FER: variants seen among roughly 807,000 people sequenced by gnomAD.
FER encodes tyrosine-protein kinase Fer.
FER carries 63 observed loss-of-function variants against 111.0 expected under a neutral mutation model. That is an observed-to-expected ratio of 0.57 (90% CI 0.46 to 0.70). The LOEUF (loss-of-function observed/expected upper bound fraction) is 0.70. Ranked by LOEUF, FER falls within the 30% of genes least tolerant of loss-of-function variation. The probability of loss-of-function intolerance (pLI) is 0.00; values close to 1 mark genes in which losing one functional copy is unlikely to be tolerated. For synonymous variants in FER, 327 were observed against 313.9 expected, an observed-to-expected ratio of 1.04 and a Z score of -0.44; for missense variants, 914 against 954.0, an observed-to-expected ratio of 0.96 and a Z score of 0.55.
intron 16 of FER, among the ~76,000 whole-genome samples, chr5:109,061,607 T>C (rs1167505763): frequency 6.6e-6 from 1 of 152,154 alleles, no homozygotes; most frequent in Non-Finnish European, 1.5e-5. Flanking sequence ...AAAATGTCTG[T>C]GCAAGATACT....
intron 10 of FER, among the ~76,000 whole-genome samples, chr5:108,931,331 C>T (rs866255402): frequency 3.2e-4 from 49 of 150,840 alleles, no homozygotes; most frequent in African/African-American, 1.2e-3. Context: ...ATTTTTTTTT[C>T]CGTGTATTTT....
chr5:109,186,077 G>C, intron 18 of FER, 123 bp from the exon 19 acceptor site: 2 of 1,356,082 alleles, frequency 1.5e-6, no homozygotes, highest in Non-Finnish European at 2.1e-6. Context: ...TGTCATATAT[G>C]TGCTCCATCA....
chr5:108,849,878 A>G (rs892328019), intron 5 of FER, among the ~76,000 whole-genome samples: 42 of 152,174 alleles, frequency 2.8e-4, no homozygotes, highest in African/African-American at 9.9e-4. Flanking sequence ...TTTGTTTGTG[A>G]AATGATGGAA....
chr5:108,752,437 C>A (rs1277826589), intron 1 of FER, among the ~76,000 whole-genome samples: 2 of 151,892 alleles, frequency 1.3e-5, no homozygotes, highest in African/African-American at 2.4e-5. Flanking sequence ...GCATTCACAT[C>A]AAAATTTGTA....
chr5:108,992,529 C>T (rs573444144), intron 13 of FER, among the ~76,000 whole-genome samples: 13 of 144,734 alleles, frequency 9.0e-5, no homozygotes, highest in East Asian at 6.2e-4. Context: ...CCCTCCCGGA[C>T]GGGGCAGCTG....
chr5:109,082,138 A>G (rs1777055285), intron 16 of FER, among the ~76,000 whole-genome samples: 1 of 151,794 alleles, frequency 6.6e-6, no homozygotes, highest in South Asian at 2.1e-4. Flanking sequence ...TTTTTGTCTT[A>G]TTTTTTTCTA....
At chr5:109,013,670 G>A (rs1333122242) in intron 13 of FER, among the ~76,000 whole-genome samples, 2 of 151,740 alleles carry the variant, frequency 1.3e-5, no homozygotes, top group Admixed American at 1.3e-4. Context: ...CTTCCACAAT[G>A]GTTGAACTAG....
chr5:108,869,847 A>G (rs774205481), intron 6 of FER, among the ~76,000 whole-genome samples: 5 of 152,096 alleles, frequency 3.3e-5, no homozygotes, highest in Non-Finnish European at 7.4e-5. Flanking sequence ...ATTTGATAGT[A>G]TATACTTGTG....
chr5:108,993,004 C>T (rs1396208892), intron 13 of FER, among the ~76,000 whole-genome samples: 1 of 151,574 alleles, frequency 6.6e-6, no homozygotes, highest in African/African-American at 2.4e-5. Context: ...AGGCGCTCCT[C>T]ACTTCCTAGA....
intron 3 of FER, among the ~76,000 whole-genome samples, chr5:108,806,849 A>G (rs1757261993): frequency 6.6e-6 from 1 of 152,144 alleles, no homozygotes; most frequent in Non-Finnish European, 1.5e-5. Context: ...CAGATGAGAC[A>G]TTGGATTGTG....
chr5:109,053,198 A>G (rs1773091776), intron 16 of FER, among the ~76,000 whole-genome samples: 1 of 152,114 alleles, frequency 6.6e-6, no homozygotes, highest in Non-Finnish European at 1.5e-5. Context: ...AGCCTGGCCA[A>G]CATAGCGAAA....
chr5:108,874,338 G>A (rs981763233), intron 8 of FER, among the ~76,000 whole-genome samples: 4 of 151,812 alleles, frequency 2.6e-5, no homozygotes, highest in Admixed American at 2.0e-4. Context: ...TAGTGATGAA[G>A]CAGTAAACAA....
At chr5:108,798,482 C>A in intron 3 of FER, 93 bp downstream of exon 3, 1 of 960,756 alleles carries the variant, frequency 1.0e-6, no homozygotes, top group Non-Finnish European at 1.6e-6. Flanking sequence ...ATACTTAAGT[C>A]AGCATTCTAA....
chr5:108,952,837 A>G lies in FER; in HGVS notation c.1330-1892A>G, dbSNP rs566100976. Reference sequence around the variant, plus strand: ...CATTCTCTCAGTTGGAAATAAATGCAAATTTGGAAGGATAGATTGGCTAGG... The same window carrying G: ...CATTCTCTCAGTTGGAAATAAATGCGAATTTGGAAGGATAGATTGGCTAGG... On this transcript the variant is annotated intron_variant, in intron 11 of 19. Coordinates refer to ENST00000281092, the MANE Select transcript of FER (RefSeq NM_005246.4). Among the ~76,000 whole-genome samples, 11 of 152,122 alleles carry G rather than the reference A, an allele frequency of 7.2e-5. No individual in the cohort carries two copies. The South Asian group carries it at 1.7e-3, about 23-fold the overall frequency.
intron 5 of FER, among the ~76,000 whole-genome samples, chr5:108,854,067 A>G (rs1343098546): frequency 6.6e-6 from 1 of 152,224 alleles, no homozygotes; most frequent in Non-Finnish European, 1.5e-5. Context: ...AGTTTGATAA[A>G]GTCACTGTGT....
At chr5:109,140,769 A>G (rs1335332049) in intron 17 of FER, among the ~76,000 whole-genome samples, 1 of 152,302 alleles carries the variant, frequency 6.6e-6, no homozygotes, top group Non-Finnish European at 1.5e-5. Flanking sequence ...GAGCCATCTG[A>G]TAATAGGGTG....
At chr5:109,056,838 A>G (rs372952141) in intron 16 of FER, among the ~76,000 whole-genome samples, 1 of 152,204 alleles carries the variant, frequency 6.6e-6, no homozygotes, top group South Asian at 2.1e-4. Context: ...AATATACACA[A>G]TAATAGTTCT....
chr5:109,149,138 A>G (rs571261337), intron 17 of FER, among the ~76,000 whole-genome samples: 154 of 152,226 alleles, frequency 1.0e-3, no homozygotes, highest in Non-Finnish European at 1.8e-3. Flanking sequence ...TTATTCTCTA[A>G]TCTTATGTGA....
intron 16 of FER, among the ~76,000 whole-genome samples, chr5:109,088,138 A>G (rs1363601358): frequency 6.6e-6 from 1 of 151,992 alleles, no homozygotes; most frequent in African/African-American, 2.4e-5. Flanking sequence ...TGAAAAATGT[A>G]TTACATATTA....
Sources: gnomAD v4.1 joint callset for allele counts (sites outside exome capture counted in the v4.1 genomes callset) on GRCh38, gnomAD v4.1.1 for gene constraint, MANE v1.5 for transcripts, NCBI Gene and HGNC (gene_info 2026-07-23, HGNC 2026-07-21) for gene names.